Variants in KCNH8 observed in about 807,000 individuals in gnomAD.
KCNH8 encodes the protein potassium voltage-gated channel subfamily H member 8, also known as voltage-gated delayed rectifier potassium channel KCNH8.
Under a neutral mutation model 103.6 loss-of-function variants are expected in KCNH8, and 70 were observed. That is an observed-to-expected ratio of 0.68 (90% CI 0.56 to 0.82). The LOEUF (loss-of-function observed/expected upper bound fraction) is 0.82, where lower values mean the gene tolerates loss of function less well. Among genes scored for constraint, KCNH8 ranks in the 40% least tolerant of loss-of-function variants. The pLI, the probability that KCNH8 is intolerant of heterozygous loss-of-function variation, is 0.00. For synonymous variants in KCNH8, 498 were observed against 489.4 expected, an observed-to-expected ratio of 1.02 and a Z score of -0.23; for missense variants, 1,217 against 1,329.9, an observed-to-expected ratio of 0.92 and a Z score of 1.32.
At chr3:19,400,336 T>A (rs1053572079) in intron 7 of KCNH8, among the ~76,000 whole-genome samples, 1 of 151,194 alleles carries the variant, frequency 6.6e-6, no homozygotes, top group Non-Finnish European at 1.5e-5. Flanking sequence ...AACAAATCTG[T>A]GTTCCTTATG....
At chr3:19,495,188 T>G (rs886861136) in intron 11 of KCNH8, among the ~76,000 whole-genome samples, 2 of 152,024 alleles carry the variant, frequency 1.3e-5, no homozygotes, top group Non-Finnish European at 2.9e-5. Context: ...TGCTATAAGC[T>G]CCATACTTTA....
At chr3:19,157,874 C>G (rs1476171867) in intron 1 of KCNH8, among the ~76,000 whole-genome samples, 1 of 151,670 alleles carries the variant, frequency 6.6e-6, no homozygotes, top group East Asian at 1.9e-4. Flanking sequence ...TTATTAGTAA[C>G]ACGAATTGTA....
intron 10 of KCNH8, among the ~76,000 whole-genome samples, chr3:19,454,562 G>A (rs1323115922): frequency 6.6e-6 from 1 of 152,066 alleles, no homozygotes; most frequent in Non-Finnish European, 1.5e-5. Flanking sequence ...AACAGTTTTA[G>A]GAATAGAATA....
At chr3:19,453,186 C>T (rs926122324) in intron 10 of KCNH8, among the ~76,000 whole-genome samples, 5 of 151,940 alleles carry the variant, frequency 3.3e-5, no homozygotes, top group South Asian at 2.1e-4. Flanking sequence ...ATAATAGACA[C>T]GGGAGACCAG....
chr3:19,279,508 A>G (rs1372285401), intron 2 of KCNH8, among the ~76,000 whole-genome samples: 1 of 151,862 alleles, frequency 6.6e-6, no homozygotes, highest in East Asian at 1.9e-4. Context: ...TGAGCTATTG[A>G]AATGAGATTG....
intron 11 of KCNH8, among the ~76,000 whole-genome samples, chr3:19,506,084 T>G (rs2068687398): frequency 6.6e-6 from 1 of 152,226 alleles, no homozygotes. Flanking sequence ...AGATTCCTTG[T>G]ACTGGGTACT....
At chr3:19,382,457 T>C (rs1244555361) in intron 5 of KCNH8, among the ~76,000 whole-genome samples, 1 of 152,204 alleles carries the variant, frequency 6.6e-6, no homozygotes, top group African/African-American at 2.4e-5. Flanking sequence ...TAGAAAGTAC[T>C]TAAACAATTC....
intron 5 of KCNH8, among the ~76,000 whole-genome samples, chr3:19,377,206 C>G (rs1209536154): frequency 6.6e-6 from 1 of 152,144 alleles, no homozygotes; most frequent in Non-Finnish European, 1.5e-5. Flanking sequence ...ATATTAGTGG[C>G]AAGGAGACAA....
chr3:19,183,023 T>C (rs1382589372), intron 1 of KCNH8, among the ~76,000 whole-genome samples: 1 of 152,130 alleles, frequency 6.6e-6, no homozygotes, highest in Non-Finnish European at 1.5e-5. Context: ...CATAGCAAAA[T>C]AGCAGTACAA....
At position 19,517,459 on chromosome 3, in the gene KCNH8, A is replaced by G. The variant is rs543341779; in HGVS notation, c.2543-539A>G. Among the ~76,000 whole-genome samples the G allele has an allele frequency of 7.9e-4, 120 of 152,064 alleles. 1 individual carries two copies. Among genetic ancestry groups the G allele is most frequent in the Middle Eastern group, 3.4e-3 (1 of 294 alleles). ...AGAAATAAATATATTTGGAAGAGCAAAGTAGAGAAAAAGTGGAGAAGAAGA... is the reference window on the plus strand; with the variant it reads ...AGAAATAAATATATTTGGAAGAGCAGAGTAGAGAAAAAGTGGAGAAGAAGA... On this transcript the variant is annotated intron_variant, in intron 14 of 15. Transcript: ENST00000328405.
intron 1 of KCNH8, among the ~76,000 whole-genome samples, chr3:19,151,018 T>A (rs2063123709): frequency 1.3e-5 from 2 of 152,134 alleles, no homozygotes. Context: ...TCCTTTCTTT[T>A]TTTTTTCTTT....
chr3:19,445,688 C>CA (rs977438955), intron 8 of KCNH8, among the ~76,000 whole-genome samples: 38 of 151,684 alleles, frequency 2.5e-4, no homozygotes, highest in African/African-American at 8.0e-4. Context: ...CAAAAATACC[C>CA]AAAAAAATCA....
chr3:19,319,573 T>C (rs769277861), intron 3 of KCNH8, among the ~76,000 whole-genome samples: 66 of 152,088 alleles, frequency 4.3e-4, no homozygotes, highest in Admixed American at 5.3e-4. Context: ...TGTGGCCTTA[T>C]AGTGTAGTTT....
rs995848060 is a variant in KCNH8, at chr3:19,222,687, C to A, written c.77-30967C>A. 2.6e-5 allele frequency among the ~76,000 whole-genome samples: 4 copies of A among 151,816 alleles called. No homozygotes were observed. In the South Asian group the frequency reaches 8.3e-4, roughly 32 times the overall value. On this transcript the variant is annotated intron_variant, in intron 1 of 15. Transcript: ENST00000328405. The stretch of plus-strand genomic sequence containing the variant: ...ATAATAAGTTTTGATAAAAGTAATT[C>A]AAAACTTTCCAGATCTAGTGTAAGC...
At position 19,342,711 on chromosome 3, in the gene KCNH8, T is replaced by C; in HGVS notation, c.567T>C (p.Asn189=). Residue 189 remains asparagine (N), a synonymous_variant, in exon 4 of 16, where the codon AAT becomes AAC. Coordinates refer to ENST00000328405, the MANE Select transcript of KCNH8 (RefSeq NM_144633.3). ...QRREKNKLKI[N]NNVFVDKPAF... The stretch of plus-strand genomic sequence containing the variant: ...GAGAAAAGAACAAATTGAAAATAAA[T>C]AACGTAGGTGGTATGTGTGTACAGG... 1 of 1,604,834 alleles carries C rather than the reference T, an allele frequency of 6.2e-7. No homozygotes were observed. The highest frequency in any genetic ancestry group is 1.3e-5 in the African/African-American group (1 of 74,664).
intron 3 of KCNH8, among the ~76,000 whole-genome samples, chr3:19,321,415 T>C (rs2065348444): frequency 6.6e-6 from 1 of 152,052 alleles, no homozygotes; most frequent in South Asian, 2.1e-4. Context: ...TTTTTGAATT[T>C]ACATCTTGAT....
In KCNH8 at chr3:19,156,236, A is replaced by G. The variant is rs117375022; in HGVS notation, c.76+7441A>G. Among the ~76,000 whole-genome samples the G allele has an allele frequency of 2.5e-4, 38 of 152,288 alleles. 1 individual carries two copies. In the East Asian group the frequency reaches 6.6e-3, roughly 26 times the overall value. On this transcript the variant is annotated intron_variant, in intron 1 of 15. Coordinates refer to ENST00000328405, the MANE Select transcript of KCNH8 (RefSeq NM_144633.3). Reference sequence around the variant, plus strand: ...CTTTTTCTGTTCCTATCACAACCCAATAACCCAGCAAGGTGGAAGGCAGCA... The same window carrying G: ...CTTTTTCTGTTCCTATCACAACCCAGTAACCCAGCAAGGTGGAAGGCAGCA...
intron 1 of KCNH8, among the ~76,000 whole-genome samples, chr3:19,152,543 A>G (rs919475537): frequency 6.6e-6 from 1 of 152,240 alleles, no homozygotes; most frequent in Non-Finnish European, 1.5e-5. Flanking sequence ...GAAGATTCCA[A>G]TCAAAGTATT....
intron 3 of KCNH8, among the ~76,000 whole-genome samples, chr3:19,321,162 T>A (rs2065345418): frequency 6.6e-6 from 1 of 152,002 alleles, no homozygotes; most frequent in African/African-American, 2.4e-5. Context: ...TTTTTGTATT[T>A]GTTTTTGTTT....
Sources: gnomAD v4.1 joint callset for allele counts (sites outside exome capture counted in the v4.1 genomes callset) on GRCh38, gnomAD v4.1.1 for gene constraint, MANE v1.5 for transcripts, NCBI Gene and HGNC (gene_info 2026-07-23, HGNC 2026-07-21) for gene names.